Variants in N4BP2 observed in about 807,000 individuals in gnomAD.
N4BP2 encodes the protein NEDD4-binding protein 2.
A neutral mutation model predicts 152.8 loss-of-function variants in N4BP2; 91 were observed. The observed-to-expected ratio is 0.60, with a 90% CI of 0.50 to 0.71. The LOEUF (loss-of-function observed/expected upper bound fraction) is 0.71. Ranked by LOEUF, N4BP2 falls within the 30% of genes least tolerant of loss-of-function variation. N4BP2 has a pLI of 0.00. For synonymous variants in N4BP2, 646 were observed against 705.3 expected, an observed-to-expected ratio of 0.92 and a Z score of 1.33; for missense variants, 1,923 against 2,059.1, an observed-to-expected ratio of 0.93 and a Z score of 1.28.
chr4:40,164,740 C>T, the N4BP2 span, among the ~76,000 whole-genome samples: 108 of 152,272 alleles, frequency 7.1e-4, no homozygotes, highest in Non-Finnish European at 1.4e-3. Context: ...TTCTTTGCAG[C>T]GGGACCTCAC....
intron 5 of N4BP2, among the ~76,000 whole-genome samples, chr4:40,108,516 A>AT (rs1305200142): frequency 6.6e-6 from 1 of 151,652 alleles, no homozygotes; most frequent in Non-Finnish European, 1.5e-5. Context: ...GGATTTCACC[A>AT]TGTTGGCCAG....
chr4:40,158,731 C>T (rs1721776170), downstream of N4BP2, among the ~76,000 whole-genome samples: 1 of 151,782 alleles, frequency 6.6e-6, no homozygotes, highest in Non-Finnish European at 1.5e-5. Context: ...CGAGATTGTG[C>T]CACTGAGCTC....
chr4:40,150,346 A>T lies in N4BP2; in HGVS notation c.5144-2434A>T, dbSNP rs1248665758. The stretch of plus-strand genomic sequence containing the variant: ...GAACATGTTAAACAACACCATGGGG[A>T]TACAGTCAGCAAAATTCAGATTGTG... On this transcript the variant is annotated intron_variant, in intron 16 of 17. Coordinates refer to ENST00000261435, the MANE Select transcript of N4BP2 (RefSeq NM_018177.6). 2.6e-5 allele frequency among the ~76,000 whole-genome samples: 4 copies of T among 152,192 alleles called. No homozygotes were observed. In the South Asian group the frequency reaches 8.3e-4, roughly 31 times the overall value.
chr4:40,177,432 A>G, the N4BP2 span, among the ~76,000 whole-genome samples: 7 of 152,158 alleles, frequency 4.6e-5, no homozygotes, highest in Non-Finnish European at 1.0e-4. Context: ...CTTGGCCAAC[A>G]TGGTGAAACC....
chr4:40,147,348 TCTTTTCCCCCAC>T (rs1579145530), intron 16 of N4BP2, among the ~76,000 whole-genome samples: 1 of 152,256 alleles, frequency 6.6e-6, no homozygotes, highest in East Asian at 1.9e-4. Context: ...GATTTCTCAA[TCTTTTCCCCCAC>T]CTTTTCCCCT....
the N4BP2 span, among the ~76,000 whole-genome samples, chr4:40,176,515 C>T: frequency 2.2e-3 from 342 of 152,194 alleles, 2 homozygotes; most frequent in African/African-American, 6.9e-3. Context: ...AAAGTACTCC[C>T]GAGGTGATTC....
At chr4:40,158,450 A>G (rs1455175450), downstream of N4BP2, among the ~76,000 whole-genome samples, 1 of 152,162 alleles carries the variant, frequency 6.6e-6, no homozygotes, top group South Asian at 2.1e-4. Flanking sequence ...TGGATTGGCT[A>G]TGGTTTCTCT....
At chr4:40,089,076 G>T (rs1030680815) in intron 2 of N4BP2, among the ~76,000 whole-genome samples, 2 of 151,896 alleles carry the variant, frequency 1.3e-5, no homozygotes, top group African/African-American at 4.8e-5. Flanking sequence ...TTAGGCTCCT[G>T]AGTAACTGGG....
At chr4:40,124,806 G>T (rs531424502) in intron 11 of N4BP2, among the ~76,000 whole-genome samples, 2 of 152,308 alleles carry the variant, frequency 1.3e-5, no homozygotes, top group South Asian at 4.1e-4. Flanking sequence ...CTGCATGAAA[G>T]AAAACTTTTG....
intron 2 of N4BP2, among the ~76,000 whole-genome samples, chr4:40,094,015 C>A (rs1373538987): frequency 1.3e-5 from 2 of 152,122 alleles, no homozygotes; most frequent in South Asian, 4.1e-4. Flanking sequence ...GGATTACAAT[C>A]CAGGTAGGCG....
intron 5 of N4BP2, among the ~76,000 whole-genome samples, chr4:40,107,315 A>G (rs908592559): frequency 8.6e-5 from 13 of 151,902 alleles, no homozygotes; most frequent in Non-Finnish European, 1.2e-4. Flanking sequence ...GGCTCAAGCA[A>G]TCTGCCTCTC....
Position 40,138,616 on chromosome 4 carries a change from G to A in N4BP2, c.4785+1534G>A, listed in dbSNP as rs544807707. Among the ~76,000 whole-genome samples the A allele has an allele frequency of 2.7e-3, 414 of 152,232 alleles. 1 individual carries two copies. The highest frequency in any genetic ancestry group is 4.7e-3 in the Non-Finnish European group (319 of 68,002). Reference sequence around the variant, plus strand: ...GATAGAAGTTCAAGTTGATTCTTTCGCATGTGGATATTCAGTTGTCTTGTA... The same window carrying A: ...GATAGAAGTTCAAGTTGATTCTTTCACATGTGGATATTCAGTTGTCTTGTA... On this transcript the variant is annotated intron_variant, in intron 14 of 17. Transcript: ENST00000261435.
chr4:40,189,885 G>T, the N4BP2 span, among the ~76,000 whole-genome samples: 1 of 150,886 alleles, frequency 6.6e-6, no homozygotes, highest in Admixed American at 6.6e-5. The surrounding 1 kb of genome is among the most constrained non-coding windows in gnomAD (Gnocchi z 4.3). Context: ...GGAGAGGGGA[G>T]AGTCTGTCTC....
chr4:40,153,032 A>G, intron 17 of N4BP2, 129 bp downstream of exon 17: 1 of 782,046 alleles, frequency 1.3e-6, no homozygotes, highest in African/African-American at 1.8e-5. Flanking sequence ...AATAAACACT[A>G]ATAGCGTACT....
chr4:40,072,479 C>T (rs1031650700), intron 1 of N4BP2, among the ~76,000 whole-genome samples: 6 of 151,548 alleles, frequency 4.0e-5, no homozygotes, highest in Non-Finnish European at 8.8e-5. Flanking sequence ...CTCCTGACCT[C>T]GTGATCCACC....
At chr4:40,163,939 T>C in the N4BP2 span, among the ~76,000 whole-genome samples, 1 of 152,332 alleles carries the variant, frequency 6.6e-6, no homozygotes, top group East Asian at 1.9e-4. Flanking sequence ...CAGACTGAGA[T>C]GTCTATGTTC....
intron 15 of N4BP2, 84 bp downstream of exon 15, chr4:40,142,945 C>A: frequency 9.0e-7 from 1 of 1,111,434 alleles, no homozygotes; most frequent in Non-Finnish European, 1.3e-6. Flanking sequence ...CATATTGTGA[C>A]TAGATTAAGT....
intron 7 of N4BP2, among the ~76,000 whole-genome samples, chr4:40,115,991 A>G (rs1717305307): frequency 1.3e-5 from 2 of 152,120 alleles, no homozygotes; most frequent in African/African-American, 4.8e-5. Context: ...AATGTATACA[A>G]GCTTAAGATT....
At chr4:40,106,703 C>G (rs963566595) in intron 4 of N4BP2, among the ~76,000 whole-genome samples, 197 bp from the exon 5 acceptor site, 1 of 152,112 alleles carries the variant, frequency 6.6e-6, no homozygotes, top group Non-Finnish European at 1.5e-5. Context: ...CGCATGCCAC[C>G]GTACCTGGCT....
Sources: allele counts gnomAD v4.1 joint callset (sites outside exome capture counted in the v4.1 genomes callset), GRCh38; gene constraint gnomAD v4.1.1; non-coding constraint Gnocchi (gnomAD v3.1); transcripts MANE v1.5; gene names NCBI Gene and HGNC (gene_info 2026-07-23, HGNC 2026-07-21).